The following MYRIP variants were observed in gnomAD, a reference collection of about 807,000 sequenced individuals.
MYRIP encodes rab effector MyRIP.
In MYRIP, 49 loss-of-function variants were observed where a neutral mutation model predicts 98.0. The ratio of observed to expected loss-of-function variants is 0.50; its 90% CI spans 0.40 to 0.63. The LOEUF (loss-of-function observed/expected upper bound fraction) is 0.63, where lower values mean the gene tolerates loss of function less well. Ranked by LOEUF, MYRIP falls within the 30% of genes least tolerant of loss-of-function variation. The pLI is 0.00. For synonymous variants in MYRIP, 404 were observed against 409.5 expected, an observed-to-expected ratio of 0.99 and a Z score of 0.16; for missense variants, 1,004 against 1,058.2, an observed-to-expected ratio of 0.95 and a Z score of 0.71.
intron 2 of MYRIP, among the ~76,000 whole-genome samples, chr3:39,908,975 A>G (rs1943949911): frequency 6.6e-6 from 1 of 152,194 alleles, no homozygotes; most frequent in Non-Finnish European, 1.5e-5. Flanking sequence ...CTGCCCAGTT[A>G]ATGAATCTGC....
chr3:39,975,478 T>C (rs998718791), intron 2 of MYRIP, among the ~76,000 whole-genome samples: 1 of 151,852 alleles, frequency 6.6e-6, no homozygotes, highest in Non-Finnish European at 1.5e-5. Flanking sequence ...CTGCCCAAGG[T>C]AATTTACAGA....
intron 2 of MYRIP, among the ~76,000 whole-genome samples, chr3:39,937,836 A>G (rs188042422): frequency 3.3e-5 from 5 of 152,354 alleles, no homozygotes; most frequent in Admixed American, 3.3e-4. Flanking sequence ...CTCCACTGAT[A>G]TATACTATGT....
intron 2 of MYRIP, among the ~76,000 whole-genome samples, chr3:40,037,990 T>A (rs1947422142): frequency 6.6e-6 from 1 of 152,144 alleles, no homozygotes; most frequent in South Asian, 2.1e-4. Flanking sequence ...TTGGTTAGCA[T>A]CTTGTTATCA....
intron 11 of MYRIP, among the ~76,000 whole-genome samples, chr3:40,230,040 C>T (rs1399819430): frequency 6.6e-6 from 1 of 152,166 alleles, no homozygotes; most frequent in Non-Finnish European, 1.5e-5. Context: ...CATGGGTTTA[C>T]CAGCCATTTT....
chr3:39,998,596 A>G (rs926199263), intron 2 of MYRIP, among the ~76,000 whole-genome samples: 2 of 152,234 alleles, frequency 1.3e-5, no homozygotes, highest in Non-Finnish European at 2.9e-5. Context: ...GAAAATGGCC[A>G]TACTGCCCAA....
intron 1 of MYRIP, among the ~76,000 whole-genome samples, chr3:39,852,786 C>T (rs1942173395): frequency 6.7e-6 from 1 of 148,838 alleles, no homozygotes; most frequent in Non-Finnish European, 1.5e-5. Flanking sequence ...TTCTGTTCTC[C>T]TCTTCTCCTC....
At chr3:40,251,419 C>G (rs537892129) in intron 15 of MYRIP, among the ~76,000 whole-genome samples, 26 of 152,278 alleles carry the variant, frequency 1.7e-4, no homozygotes, top group African/African-American at 6.0e-4. Flanking sequence ...CTTTACACCC[C>G]CCATGGCATC....
intron 1 of MYRIP, among the ~76,000 whole-genome samples, chr3:39,873,112 G>A (rs1343423219): frequency 6.6e-6 from 1 of 152,154 alleles, no homozygotes; most frequent in Non-Finnish European, 1.5e-5. Context: ...TTTTTCATAT[G>A]TTTTTTGGCT....
At chr3:39,945,878 T>C (rs1033502159) in intron 2 of MYRIP, among the ~76,000 whole-genome samples, 1 of 152,126 alleles carries the variant, frequency 6.6e-6, no homozygotes, top group Non-Finnish European at 1.5e-5. Context: ...GTATAAAGGC[T>C]ATGATTCTTT....
intron 1 of MYRIP, among the ~76,000 whole-genome samples, chr3:39,823,476 T>C (rs1941175379): frequency 6.6e-6 from 1 of 152,214 alleles, no homozygotes. Flanking sequence ...ACCAACAGTA[T>C]GTAAGTGTTT....
chr3:39,907,051 T>C (rs1943896268), intron 2 of MYRIP, among the ~76,000 whole-genome samples: 2 of 152,018 alleles, frequency 1.3e-5, no homozygotes, highest in South Asian at 2.1e-4. Context: ...TGGAGTGCAT[T>C]GGTCTCCCCA....
At chr3:39,834,322 A>G (rs760908682) in intron 1 of MYRIP, among the ~76,000 whole-genome samples, 1 of 152,244 alleles carries the variant, frequency 6.6e-6, no homozygotes, top group East Asian at 1.9e-4. Context: ...TATTAGGACT[A>G]TTCTCTGACC....
At chr3:39,817,774 T>C (rs984820498) in intron 1 of MYRIP, among the ~76,000 whole-genome samples, 16 of 152,172 alleles carry the variant, frequency 1.1e-4, no homozygotes, top group African/African-American at 3.9e-4. Context: ...TAAGAACTAG[T>C]GTAAAGTTGT....
At position 40,259,477 on chromosome 3, in the gene MYRIP, C is replaced by T. The variant is rs1291768791; in HGVS notation, c.*1311C>T. 1 of 152,198 alleles carries T rather than the reference C, an allele frequency of 6.6e-6. No individual in the cohort carries two copies. Among genetic ancestry groups the T allele is most frequent in the African/African-American group, 2.4e-5 (1 of 41,462 alleles). 9.4% of individuals were successfully genotyped at this position (152,198 alleles called of 1,614,324 possible). On this transcript the variant is annotated 3_prime_UTR_variant, in exon 17 of 17. Coordinates refer to ENST00000302541, the MANE Select transcript of MYRIP (RefSeq NM_015460.4). ...TTTGAATCCTTATGGCAACCTTATT[C>T]AATAGGTTTTCCCATATTTCAGATT...
intron 1 of MYRIP, among the ~76,000 whole-genome samples, chr3:39,822,928 T>C (rs1220390025): frequency 6.6e-6 from 1 of 152,048 alleles, no homozygotes; most frequent in African/African-American, 2.4e-5. Context: ...TCATTTTCTT[T>C]ACCCATTAAC....
intron 11 of MYRIP, among the ~76,000 whole-genome samples, chr3:40,219,048 A>C (rs560935900): frequency 6.6e-6 from 1 of 152,190 alleles, no homozygotes; most frequent in South Asian, 2.1e-4. Flanking sequence ...ACAATGGTAC[A>C]TTTAATATCA....
intron 1 of MYRIP, among the ~76,000 whole-genome samples, chr3:39,829,958 A>T (rs1422384216): frequency 6.6e-6 from 1 of 152,032 alleles, no homozygotes; most frequent in Admixed American, 6.6e-5. Context: ...TGGCCCTGCC[A>T]CTCACTTCCA....
chr3:40,169,820 C>T, intron 7 of MYRIP, 130 bp from the exon 8 acceptor site: 1 of 1,028,234 alleles, frequency 9.7e-7, no homozygotes, highest in South Asian at 1.5e-5. Context: ...AGATCTGAAA[C>T]AGCCTGGTGT....
chr3:40,200,906 T>C (rs565432216), intron 10 of MYRIP, among the ~76,000 whole-genome samples: 1 of 152,310 alleles, frequency 6.6e-6, no homozygotes, highest in East Asian at 1.9e-4. Flanking sequence ...TCCTATAACT[T>C]AGTCTATGCC....
Sources: gnomAD v4.1 joint callset for allele counts (sites outside exome capture counted in the v4.1 genomes callset) on GRCh38, gnomAD v4.1.1 for gene constraint, MANE v1.5 for transcripts, NCBI Gene and HGNC (gene_info 2026-07-23, HGNC 2026-07-21) for gene names.